EMCN: variants seen among roughly 807,000 people sequenced by gnomAD.
EMCN encodes MUC-14.
A neutral mutation model predicts 38.4 loss-of-function variants in EMCN; 37 were observed. The ratio of observed to expected loss-of-function variants is 0.96; its 90% CI spans 0.74 to 1.27. The LOEUF (loss-of-function observed/expected upper bound fraction) is 1.27, where lower values mean the gene tolerates loss of function less well. EMCN is among the 50% of genes most tolerant of loss of function. EMCN has a pLI of 0.00. For missense variants in EMCN, 318 were observed against 302.8 expected, an observed-to-expected ratio of 1.05 and a Z score of -0.37; for synonymous variants, 95 against 100.8, an observed-to-expected ratio of 0.94 and a Z score of 0.35.
intron 1 of EMCN, among the ~76,000 whole-genome samples, chr4:100,508,800 T>G (rs935389213): frequency 4.6e-5 from 7 of 152,214 alleles, no homozygotes; most frequent in Non-Finnish European, 1.0e-4. Flanking sequence ...CAGATATTCA[T>G]GACACTCTGG....
At position 100,484,313 on chromosome 4, in the gene EMCN, A is replaced by G. The variant is rs146352676; in HGVS notation, c.65-4274T>C. 6.3e-3 allele frequency among the ~76,000 whole-genome samples: 954 copies of G among 152,256 alleles called. 14 individuals carry two copies. The highest frequency in any genetic ancestry group is 0.01 in the Non-Finnish European group (711 of 68,002). On this transcript the variant is annotated intron_variant, in intron 1 of 11. Transcript: ENST00000296420. The stretch of plus-strand genomic sequence containing the variant: ...AATTCAGCTTATAGTTGGAAACTAA[A>G]TATATTTTCTCTGTTTTCAAATGAT...
At chr4:100,452,236 A>C (rs889421670) in intron 4 of EMCN, among the ~76,000 whole-genome samples, 1 of 152,076 alleles carries the variant, frequency 6.6e-6, no homozygotes. Context: ...TAAACTCCAT[A>C]TTAAACTAAG....
In EMCN at chr4:100,396,540, CTTTTTTTTTTT is replaced by C. The variant is rs71594584; in HGVS notation, c.*1862_*1872del. On this transcript the variant is annotated 3_prime_UTR_variant, in exon 12 of 12. Transcript: ENST00000296420. Reference sequence around the variant, plus strand: ...GGACTTTCTTTCTTTCTTTTTTTTCCTTTTTTTTTTTTTTTTTTTTGAGACAGAGTCTTGCT... The same window carrying C: ...GGACTTTCTTTCTTTCTTTTTTTTCCTTTTTTTTTGAGACAGAGTCTTGCT... The C allele has an allele frequency of 1.0e-5, 1 of 99,602 alleles. No individual in the cohort carries two copies. Among genetic ancestry groups the C allele is most frequent in the African/African-American group, 4.1e-5 (1 of 24,560 alleles). The allele number at this position is 99,602 out of a possible 1,614,324, so 6.2% of individuals were successfully genotyped here.
At chr4:100,473,367 TTTTTTGTTTTTTTTTTTTG>T (rs1009831871) in intron 3 of EMCN, among the ~76,000 whole-genome samples, 1 of 97,528 alleles carries the variant, frequency 1.0e-5, no homozygotes, top group Non-Finnish European at 1.9e-5. Context: ...CGTTTCGTGT[TTTTTTGTTTTTTTTTTTTG>T]TTTTTTTTTT....
intron 4 of EMCN, among the ~76,000 whole-genome samples, chr4:100,462,010 C>T (rs1728192787): frequency 2.0e-5 from 3 of 152,100 alleles, no homozygotes; most frequent in Admixed American, 2.0e-4. Context: ...GGGAGAGGTC[C>T]CGGTTTCATC....
At chr4:100,402,734 TG>T (rs1226015346) in intron 11 of EMCN, among the ~76,000 whole-genome samples, 3 of 152,168 alleles carry the variant, frequency 2.0e-5, no homozygotes, top group African/African-American at 7.2e-5. Context: ...TGGAAAGGAA[TG>T]GGAGTTGAAC....
intron 1 of EMCN, among the ~76,000 whole-genome samples, chr4:100,486,601 G>C (rs750301939): frequency 5.9e-5 from 9 of 152,208 alleles, no homozygotes; most frequent in Non-Finnish European, 8.8e-5. Flanking sequence ...AGATAAGTGG[G>C]AGAAAGCTGC....
At chr4:100,474,474 TGAC>T (rs1474218382) in intron 3 of EMCN, among the ~76,000 whole-genome samples, 18 of 152,210 alleles carry the variant, frequency 1.2e-4, no homozygotes, top group African/African-American at 4.3e-4. Flanking sequence ...AGTTAACCTG[TGAC>T]TTAGCAATTC....
chr4:100,442,440 A>G (rs1457157768), intron 5 of EMCN, among the ~76,000 whole-genome samples: 1 of 152,160 alleles, frequency 6.6e-6, no homozygotes, highest in Non-Finnish European at 1.5e-5. Flanking sequence ...CTCTTTTAAG[A>G]TGTGGGAAAT....
chr4:100,453,673 T>C (rs1237954357), intron 4 of EMCN, among the ~76,000 whole-genome samples: 2 of 152,064 alleles, frequency 1.3e-5, no homozygotes, highest in East Asian at 1.9e-4. Context: ...CATTACTGGG[T>C]ATATACCCAA....
At chr4:100,458,039 C>T (rs1012217039) in intron 4 of EMCN, among the ~76,000 whole-genome samples, 1 of 151,948 alleles carries the variant, frequency 6.6e-6, no homozygotes, top group Non-Finnish European at 1.5e-5. Flanking sequence ...CTGCTTGGAC[C>T]TGGGAGGTGG....
intron 3 of EMCN, among the ~76,000 whole-genome samples, chr4:100,473,318 C>T (rs894312204): frequency 1.4e-5 from 2 of 146,716 alleles, no homozygotes; most frequent in African/African-American, 4.9e-5. Flanking sequence ...TGAGCCACTG[C>T]ACCCGTCCAT....
chr4:100,494,807 G>A (rs1729170108), intron 1 of EMCN, among the ~76,000 whole-genome samples: 1 of 151,618 alleles, frequency 6.6e-6, no homozygotes, highest in Non-Finnish European at 1.5e-5. Flanking sequence ...TGCCCCAAGA[G>A]TATGGGTAAG....
At chr4:100,409,852 A>G (rs965114607) in intron 11 of EMCN, among the ~76,000 whole-genome samples, 6 of 152,150 alleles carry the variant, frequency 3.9e-5, no homozygotes, top group Admixed American at 3.3e-4. Flanking sequence ...ACACATCTTT[A>G]CTTTAATGCA....
intron 1 of EMCN, among the ~76,000 whole-genome samples, chr4:100,505,659 T>C (rs1729462888): frequency 6.6e-6 from 1 of 152,160 alleles, no homozygotes; most frequent in Non-Finnish European, 1.5e-5. Context: ...AGTTGGGCTT[T>C]AACTATCTCC....
intron 1 of EMCN, among the ~76,000 whole-genome samples, chr4:100,504,425 A>G (rs1729427126): frequency 6.6e-6 from 1 of 152,266 alleles, no homozygotes; most frequent in Admixed American, 6.5e-5. Context: ...AATAAAATAT[A>G]TAAAACAACA....
intron 1 of EMCN, among the ~76,000 whole-genome samples, chr4:100,506,551 G>A (rs1038891632): frequency 6.6e-6 from 1 of 151,914 alleles, no homozygotes; most frequent in African/African-American, 2.4e-5. Flanking sequence ...AATATCATGA[G>A]GGGATATGAA....
chr4:100,408,901 C>G (rs548741431), intron 11 of EMCN, among the ~76,000 whole-genome samples: 61 of 152,302 alleles, frequency 4.0e-4, no homozygotes, highest in South Asian at 2.1e-4. Context: ...TGCCTCTTTT[C>G]CATAGGGCAC....
At chr4:100,509,452 A>G (rs575242968) in intron 1 of EMCN, among the ~76,000 whole-genome samples, 1 of 152,242 alleles carries the variant, frequency 6.6e-6, no homozygotes, top group South Asian at 2.1e-4. Flanking sequence ...GGGTTTGCAG[A>G]GAGAGATAAT....
Sources: allele counts gnomAD v4.1 joint callset (sites outside exome capture counted in the v4.1 genomes callset), GRCh38; gene constraint gnomAD v4.1.1; transcripts MANE v1.5; gene names NCBI Gene and HGNC (gene_info 2026-07-23, HGNC 2026-07-21).